Variants in ZNF592 observed in about 807,000 individuals in gnomAD.
ZNF592 encodes spinocerebellar ataxia, autosomal recessive 5.
In ZNF592, 11 loss-of-function variants were observed where a neutral mutation model predicts 80.3. The ratio of observed to expected loss-of-function variants is 0.14; its 90% CI spans 0.09 to 0.23. The LOEUF (loss-of-function observed/expected upper bound fraction) is 0.23, where lower values mean the gene tolerates loss of function less well. ZNF592 is among the 10% of genes least tolerant of loss of function. The pLI, the probability that ZNF592 is intolerant of heterozygous loss-of-function variation, is 1.00. For synonymous variants in ZNF592, 646 were observed against 640.3 expected (o/e 1.01, Z -0.13); for missense variants, 1,420 against 1,633.9 (o/e 0.87, Z 2.26).
In ZNF592 at chr15:84,773,015, G is replaced by A. The variant is rs1962128897; in HGVS notation, c.-149-5168G>A. Among the ~76,000 whole-genome samples the A allele has an allele frequency of 2.6e-5, 4 of 152,118 alleles. No homozygotes were observed. The South Asian group carries it at 8.3e-4, about 31-fold the overall frequency. On this transcript the variant is annotated intron_variant, in intron 2 of 10. Coordinates refer to ENST00000560079, the MANE Select transcript of ZNF592 (RefSeq NM_014630.3). ...AAATTTGAAGGCTTTATGCAGGGGG[G>A]AAAACCTCATGGGTTCAGTGTTAAG...
intron 4 of ZNF592, among the ~76,000 whole-genome samples, chr15:84,789,626 T>C (rs1009734705): frequency 2.6e-5 from 4 of 152,240 alleles, no homozygotes; most frequent in African/African-American, 9.6e-5. Flanking sequence ...GTAGCCATCC[T>C]AGTGGGTTTG....
Position 84,782,650 on chromosome 15 carries a change from G to C in ZNF592, c.-19-7G>C, listed in dbSNP as rs1302301636. On this transcript the variant is annotated splice_region_variant and splice_polypyrimidine_tract_variant and intron_variant, in intron 3 of 10. Transcript: ENST00000560079. ...GTCACTGATTCTGTTTTCTGTTTCT[G>C]TTACAGCCCTTGCCAGCATCCAGCC... is the stretch of plus-strand genomic sequence containing the variant. The C allele has an allele frequency of 3.1e-6, 5 of 1,613,710 alleles. No homozygotes were observed. Among genetic ancestry groups the C allele is most frequent in the Non-Finnish European group, 4.2e-6 (5 of 1,179,926 alleles).
In ZNF592 at chr15:84,784,354, A is replaced by T; in HGVS notation, c.1679A>T (p.His560Leu). The T allele has an allele frequency of 1.2e-6, 2 of 1,614,186 alleles. No individual in the cohort carries two copies. The highest frequency in any genetic ancestry group is 4.5e-5 in the East Asian group (2 of 44,880). The change falls in exon 4 of 11, where the codon CAC becomes CTC. Residue 560 changes from histidine (H) to leucine (L), a missense_variant. By Grantham distance (99) the His-to-Leu change is moderately conservative (BLOSUM62 -3). Around this residue, in one of 7 missense-constraint regions of ZNF592, gnomAD observed 524 missense variants for 628.3 expected, o/e 0.83. Coordinates refer to ENST00000560079, the MANE Select transcript of ZNF592 (RefSeq NM_014630.3). The surrounding 1 kb of genome is among the most constrained non-coding windows in gnomAD (Gnocchi z 5.8). The part of the protein sequence containing the change: ...LIVEVFNKVL[H>L]SSNPVPLYAP... ...GTAGAGGTCTTCAACAAGGTCCTTC[A>T]CAGCTCCAACCCCGTGCCCCTCTAT...
intron 2 of ZNF592, among the ~76,000 whole-genome samples, chr15:84,766,776 GA>G (rs1158106967): frequency 6.6e-6 from 1 of 150,672 alleles, no homozygotes; most frequent in Non-Finnish European, 1.5e-5. Context: ...ACTTGGGAGA[GA>G]AACTTTACCA....
chr15:84,794,777 T>G (rs1962849011), intron 5 of ZNF592, among the ~76,000 whole-genome samples: 1 of 152,120 alleles, frequency 6.6e-6, no homozygotes, highest in African/African-American at 2.4e-5. Context: ...GCTCCCGGCC[T>G]GGACTCCATC....
intron 1 of ZNF592, chr15:84,754,356 G>A (rs1899100568): frequency 6.6e-6 from 1 of 152,254 alleles, no homozygotes; most frequent in Non-Finnish European, 1.5e-5. Flanking sequence ...GAGGTCAGGA[G>A]TTCGAGACCA....
intron 1 of ZNF592, among the ~76,000 whole-genome samples, chr15:84,758,756 C>A (rs2576408): frequency 0.98 from 139,893 of 142,298 alleles, 68,755 homozygotes; most frequent in Non-Finnish European, 0.99. Flanking sequence ...TACTGAAAAT[C>A]CAAAAAAAAA....
intron 1 of ZNF592, among the ~76,000 whole-genome samples, chr15:84,760,178 A>T (rs768020014): frequency 6.6e-6 from 1 of 152,026 alleles, no homozygotes; most frequent in African/African-American, 2.4e-5. Context: ...GTCTGAGCAC[A>T]TCATTCTTCT....
At chr15:84,765,414 C>G (rs980323111) in intron 2 of ZNF592, among the ~76,000 whole-genome samples, 3 of 151,792 alleles carry the variant, frequency 2.0e-5, no homozygotes, top group Non-Finnish European at 2.9e-5. Context: ...TATGGTAATT[C>G]TGTTTAATTT....
chr15:84,790,421 A>G (rs1391960687), intron 4 of ZNF592, among the ~76,000 whole-genome samples: 1 of 152,156 alleles, frequency 6.6e-6, no homozygotes, highest in Non-Finnish European at 1.5e-5. Flanking sequence ...TCCTCTGCTA[A>G]GCCACAGGAA....
At chr15:84,781,850 T>C (rs576749619) in intron 3 of ZNF592, among the ~76,000 whole-genome samples, 8 of 152,232 alleles carry the variant, frequency 5.3e-5, no homozygotes, top group Non-Finnish European at 1.2e-4. Flanking sequence ...GTTCTGTAGC[T>C]CTGCTTTCCC....
rs545077871 is a variant in ZNF592, at chr15:84,804,288, C to T, written c.*1895C>T. On this transcript the variant is annotated 3_prime_UTR_variant, in exon 11 of 11. Transcript: ENST00000560079. The stretch of plus-strand genomic sequence containing the variant: ...TAGTTACAGGAAGCCATCCCTGTAC[C>T]CTGGGTCCATTCACAGGAATGGGTT... 8 of 152,374 alleles carry T rather than the reference C, an allele frequency of 5.3e-5. No individual in the cohort carries two copies. Among genetic ancestry groups the T allele is most frequent in the Admixed American group, 2.6e-4 (4 of 15,302 alleles). The allele number at this position is 152,374 out of a possible 1,614,324, so 9.4% of individuals were successfully genotyped here. A position where few individuals can be genotyped will look rare whatever the true frequency, so the allele number is the denominator to read the frequency against.
At chr15:84,750,335 A>G (rs926988142) in intron 1 of ZNF592, among the ~76,000 whole-genome samples, 4 of 152,248 alleles carry the variant, frequency 2.6e-5, no homozygotes, top group African/African-American at 9.6e-5. Context: ...AATTTATTCA[A>G]CAACAAATAT....
chr15:84,751,595 CTT>C (rs779955467), intron 1 of ZNF592, among the ~76,000 whole-genome samples: 33 of 143,684 alleles, frequency 2.3e-4, no homozygotes, highest in Non-Finnish European at 2.3e-4. Flanking sequence ...ATTTTTATTA[CTT>C]TTTTTTTTTT....
intron 5 of ZNF592, among the ~76,000 whole-genome samples, chr15:84,796,875 A>C (rs1238512731): frequency 6.6e-6 from 1 of 152,196 alleles, no homozygotes; most frequent in African/African-American, 2.4e-5. Context: ...CGGGTGCTTG[A>C]AATGTGGCCA....
intron 3 of ZNF592, among the ~76,000 whole-genome samples, chr15:84,778,810 AG>A (rs1184459568): frequency 1.3e-5 from 2 of 152,192 alleles, no homozygotes; most frequent in East Asian, 3.8e-4. Flanking sequence ...GGTTGATCTA[AG>A]GGTCCTCGGA....
intron 1 of ZNF592, among the ~76,000 whole-genome samples, chr15:84,754,736 G>A (rs1045244584): frequency 1.3e-5 from 2 of 151,506 alleles, no homozygotes; most frequent in African/African-American, 4.9e-5. Context: ...GGTAATGGTG[G>A]CTCCCTTTCT....
Position 84,798,716 on chromosome 15 carries a change from C to T in ZNF592, c.2865C>T (p.Ser955=). 6.2e-7 allele frequency: 1 copy of T among 1,612,740 alleles called. No homozygotes were observed. Among genetic ancestry groups the T allele is most frequent in the Non-Finnish European group, 8.5e-7 (1 of 1,180,032 alleles). ...EPPATSVAAR[S]SSLPSGRWGR... Reference sequence around the variant, plus strand: ...CAGCCACTAGTGTGGCTGCTCGGAGCAGCTCCCTGCCTTCTGGCCGCTGGG... The same window carrying T: ...CAGCCACTAGTGTGGCTGCTCGGAGTAGCTCCCTGCCTTCTGGCCGCTGGG... The change falls in exon 8 of 11, where the codon AGC becomes AGT. Residue 955 remains serine, a synonymous_variant. Transcript: ENST00000560079. This position sits in a 1 kb window ranked among gnomAD's most constrained non-coding sequence, Gnocchi z 4.5.
chr15:84,770,825 C>T (rs1040891957), intron 2 of ZNF592, among the ~76,000 whole-genome samples: 2 of 152,174 alleles, frequency 1.3e-5, no homozygotes, highest in African/African-American at 4.8e-5. Flanking sequence ...CAGCAGCGGC[C>T]TTCAGACAGG....
Sources: gnomAD v4.1 joint callset for allele counts (sites outside exome capture counted in the v4.1 genomes callset) on GRCh38, gnomAD v4.1.1 for gene constraint, gnomAD v4.1.1 regional missense constraint, Gnocchi (gnomAD v3.1) non-coding constraint, MANE v1.5 for transcripts, NCBI Gene and HGNC (gene_info 2026-07-23, HGNC 2026-07-21) for gene names.